Variants in FBXW11 observed in about 807,000 individuals in gnomAD.
The protein encoded by FBXW11 is F-box/WD repeat-containing protein 11.
FBXW11 carries 19 observed loss-of-function variants against 77.6 expected under a neutral mutation model. That is an observed-to-expected ratio of 0.24 (90% CI 0.17 to 0.36). The LOEUF (loss-of-function observed/expected upper bound fraction) is 0.36, where lower values mean the gene tolerates loss of function less well. Among genes scored for constraint, FBXW11 ranks in the 10% least tolerant of loss-of-function variants. The pLI is 1.00. For synonymous variants in FBXW11, 235 were observed against 249.4 expected (o/e 0.94, Z 0.54); for missense variants, 334 against 704.2 (o/e 0.47, Z 5.95).
rs549149678 is a variant in FBXW11, at chr5:171,874,639, C to T, written c.1221+1646G>A. Among the ~76,000 whole-genome samples, 8 of 151,548 alleles carry T rather than the reference C, an allele frequency of 5.3e-5. 1 individual carries two copies. Among genetic ancestry groups the T allele is most frequent in the Admixed American group, 1.3e-4 (2 of 15,204 alleles). On this transcript the variant is annotated intron_variant, in intron 9 of 13. Transcript: ENST00000517395. ...AGGTTCTTCTGAGCAAGCTGAAACC[C>T]TCATATACCACTGGCAGGATTGTAA...
Position 171,872,975 on chromosome 5 carries a change from T to C in FBXW11, c.1237A>G (p.Thr413Ala). The C allele has an allele frequency of 6.2e-7, 1 of 1,613,796 alleles. No homozygotes were observed. The highest frequency in any genetic ancestry group is 8.5e-7 in the Non-Finnish European group (1 of 1,179,846). Residue 413 changes from threonine to alanine, a missense_variant, in exon 10 of 14, where the codon ACC becomes GCC. By Grantham distance (58) the Thr-to-Ala change is moderately conservative. Transcript: ENST00000517395. ...DRTIKVWSTS[T>A]CEFVRTLNGH... ...TTGAGAGTACGAACAAATTCACAGG[T>C]GCTCGTGCTCCAGACCTGTATAACA...
At chr5:171,949,295 G>A (rs957748752) in intron 2 of FBXW11, among the ~76,000 whole-genome samples, 86 of 152,118 alleles carry the variant, frequency 5.7e-4, no homozygotes, top group African/African-American at 1.9e-3. Flanking sequence ...TGAAACATGC[G>A]CATATGATAT....
chr5:171,932,004 A>G (rs147164876), intron 2 of FBXW11, among the ~76,000 whole-genome samples: 31 of 151,886 alleles, frequency 2.0e-4, no homozygotes, highest in Non-Finnish European at 1.6e-4. Context: ...CCTCCAGAGT[A>G]GCTGCGACCA....
intron 2 of FBXW11, among the ~76,000 whole-genome samples, chr5:171,956,395 T>C (rs1763616641): frequency 6.6e-6 from 1 of 152,218 alleles, no homozygotes; most frequent in Non-Finnish European, 1.5e-5. Context: ...GTAACCCACC[T>C]TTATATACAG....
At chr5:171,960,163 C>T (rs975465903) in intron 1 of FBXW11, among the ~76,000 whole-genome samples, 2 of 152,106 alleles carry the variant, frequency 1.3e-5, no homozygotes, top group Non-Finnish European at 2.9e-5. Flanking sequence ...ATTACTTAAG[C>T]CCAGGAGTTC....
At chr5:171,957,952 A>T (rs1037083397) in intron 1 of FBXW11, among the ~76,000 whole-genome samples, 8 of 152,212 alleles carry the variant, frequency 5.3e-5, no homozygotes, top group Admixed American at 4.6e-4. Flanking sequence ...GACAGAGAGA[A>T]TGTTTAAACA....
intron 1 of FBXW11, among the ~76,000 whole-genome samples, chr5:171,977,197 G>A (rs905723324): frequency 4.6e-5 from 7 of 151,412 alleles, no homozygotes; most frequent in South Asian, 4.2e-4. Flanking sequence ...AAAATTAGTC[G>A]GGTATGGTGG....
chr5:171,864,631 CT>C (rs1757272026), intron 13 of FBXW11, among the ~76,000 whole-genome samples: 1 of 152,152 alleles, frequency 6.6e-6, no homozygotes, highest in Admixed American at 6.5e-5. Context: ...TCAGAAATTA[CT>C]TCCTTTTTAA....
chr5:171,988,004 T>C (rs184065797), intron 1 of FBXW11, among the ~76,000 whole-genome samples: 97 of 152,272 alleles, frequency 6.4e-4, no homozygotes, highest in African/African-American at 1.5e-3. Context: ...TAAGTAACAA[T>C]GTGTATCTCA....
chr5:171,969,702 T>TTTTTTG lies in FBXW11; in HGVS notation c.46-12010_46-12005dup, dbSNP rs1764416449. ...GAGTATTAAAACTTAACTAGCAGCT[T>TTTTTTG]TTTTTGTTTTTGTTTTTCAGACAAA... is the stretch of plus-strand genomic sequence containing the variant. On this transcript the variant is annotated intron_variant, in intron 1 of 13. Transcript: ENST00000517395. Among the ~76,000 whole-genome samples the TTTTTTG allele has an allele frequency of 4.0e-5, 6 of 151,762 alleles. 1 individual carries two copies. The South Asian group carries it at 1.0e-3, about 26-fold the overall frequency.
At chr5:171,966,015 G>A (rs1764168938) in intron 1 of FBXW11, among the ~76,000 whole-genome samples, 1 of 152,180 alleles carries the variant, frequency 6.6e-6, no homozygotes, top group South Asian at 2.1e-4. Context: ...GGTAAGACAT[G>A]CTTGTTTCCC....
intron 1 of FBXW11, among the ~76,000 whole-genome samples, chr5:171,983,499 G>A (rs1009650833): frequency 6.6e-6 from 1 of 152,106 alleles, no homozygotes; most frequent in East Asian, 1.9e-4. Flanking sequence ...TGTGGGGTAG[G>A]GGGGCAATCT....
intron 6 of FBXW11, among the ~76,000 whole-genome samples, chr5:171,893,673 T>A (rs1759541800): frequency 6.6e-6 from 1 of 152,142 alleles, no homozygotes; most frequent in Non-Finnish European, 1.5e-5. Context: ...GTAACAAGTC[T>A]AATTTGTGGC....
chr5:171,891,678 G>A, intron 6 of FBXW11, 74 bp from the exon 7 acceptor site: 4 of 1,483,776 alleles, frequency 2.7e-6, no homozygotes, highest in Non-Finnish European at 3.6e-6. Context: ...CTTTGGCGTT[G>A]CTTCCAGAAA....
At chr5:171,888,361 A>G (rs144267054) in intron 7 of FBXW11, among the ~76,000 whole-genome samples, 2 of 152,378 alleles carry the variant, frequency 1.3e-5, no homozygotes, top group Non-Finnish European at 2.9e-5. Context: ...CCAGCACAGC[A>G]AAGGCTGTCT....
intron 1 of FBXW11, among the ~76,000 whole-genome samples, chr5:171,987,300 T>TA (rs1016039693): frequency 9.2e-5 from 14 of 152,180 alleles, no homozygotes; most frequent in Non-Finnish European, 2.9e-5. Flanking sequence ...CAGAATTACT[T>TA]ACTTGTCTCC....
At position 171,863,190 on chromosome 5, in the gene FBXW11, CTG is replaced by C. The variant is rs1757191041; in HGVS notation, c.*935_*936del. 1 of 152,644 alleles carries C rather than the reference CTG, an allele frequency of 6.6e-6. No individual in the cohort carries two copies. Among genetic ancestry groups the C allele is most frequent in the Non-Finnish European group, 1.5e-5 (1 of 68,042 alleles). 9.5% of individuals were successfully genotyped at this position (152,644 alleles called of 1,614,324 possible). ...CAATGACAACAACAAAATAAAAACA[CTG>C]TATGAATACTGCAGGAAGGGTTCTA... On this transcript the variant is annotated 3_prime_UTR_variant, in exon 14 of 14. Transcript: ENST00000517395.
rs1253527383 is a variant in FBXW11, at chr5:171,869,480, A to G, written c.1530+249T>C. ...ATATTGCTTGCCCTATGAGGAAACCAGTCCACCTACAAATCAGGAAGCCTG... is the reference window on the plus strand; with the variant it reads ...ATATTGCTTGCCCTATGAGGAAACCGGTCCACCTACAAATCAGGAAGCCTG... On this transcript the variant is annotated intron_variant, in intron 12 of 13. Coordinates refer to ENST00000517395, the MANE Select transcript of FBXW11 (RefSeq NM_001378974.1). This position sits in a 1 kb window ranked among gnomAD's most constrained non-coding sequence, Gnocchi z 4.1. 3.9e-5 allele frequency among the ~76,000 whole-genome samples: 6 copies of G among 152,218 alleles called. No homozygotes were observed. Among genetic ancestry groups the G allele is most frequent in the African/African-American group, 7.2e-5 (3 of 41,460 alleles).
At chr5:171,882,315 G>A (rs1364577884) in intron 7 of FBXW11, among the ~76,000 whole-genome samples, 1 of 152,094 alleles carries the variant, frequency 6.6e-6, no homozygotes, top group Non-Finnish European at 1.5e-5. Flanking sequence ...AGCGAAGGAG[G>A]AGGGAGAGAA....
Sources: gnomAD v4.1 joint callset for allele counts (sites outside exome capture counted in the v4.1 genomes callset) on GRCh38, gnomAD v4.1.1 for gene constraint, Gnocchi (gnomAD v3.1) non-coding constraint, MANE v1.5 for transcripts, NCBI Gene and HGNC (gene_info 2026-07-23, HGNC 2026-07-21) for gene names.